DPY19L2: variants seen among roughly 807,000 people sequenced by gnomAD.
DPY19L2 encodes dpy-19 like 2, also known as probable C-mannosyltransferase DPY19L2.
In DPY19L2, 34 loss-of-function variants were observed where a neutral mutation model predicts 97.9. That is an observed-to-expected ratio of 0.35 (90% CI 0.26 to 0.46). The LOEUF is 0.46. Ranked by LOEUF, DPY19L2 falls within the 20% of genes least tolerant of loss-of-function variation. The pLI is 1.00. For missense variants in DPY19L2, 623 were observed against 911.4 expected (o/e 0.68, Z 4.07); for synonymous variants, 230 against 307.9 (o/e 0.75, Z 2.65).
At chr12:63,581,147 C>T (rs1880817183) in intron 18 of DPY19L2, among the ~76,000 whole-genome samples, 1 of 152,100 alleles carries the variant, frequency 6.6e-6, no homozygotes, top group Admixed American at 6.5e-5. Flanking sequence ...GAACTAAATC[C>T]TTGCATCCTT....
chr12:63,576,558 CAA>C (rs536914471), intron 19 of DPY19L2, among the ~76,000 whole-genome samples: 4 of 144,988 alleles, frequency 2.8e-5, no homozygotes, highest in African/African-American at 7.5e-5. Flanking sequence ...AAGTCTCCAC[CAA>C]AAAAAAAACT....
chr12:63,624,255 G>A (rs972371972), intron 7 of DPY19L2, 124 bp from the exon 8 acceptor site: 4 of 692,876 alleles, frequency 5.8e-6, no homozygotes, highest in African/African-American at 3.6e-5. Context: ...CTGAGTGTCT[G>A]GCATAGCTTC....
intron 5 of DPY19L2, among the ~76,000 whole-genome samples, chr12:63,644,836 A>C (rs1893185426): frequency 6.6e-6 from 1 of 152,082 alleles, no homozygotes; most frequent in Admixed American, 6.6e-5. Flanking sequence ...ATTATACTGT[A>C]ATGATTTGTT....
At chr12:63,616,148 G>T (rs1887788885) in intron 11 of DPY19L2, among the ~76,000 whole-genome samples, 1 of 151,848 alleles carries the variant, frequency 6.6e-6, no homozygotes, top group African/African-American at 2.4e-5. Flanking sequence ...GGGGTTGGGG[G>T]TGTCCTGGAA....
chr12:63,662,621 G>A (rs1013176614), intron 3 of DPY19L2, among the ~76,000 whole-genome samples: 4 of 152,018 alleles, frequency 2.6e-5, no homozygotes, highest in African/African-American at 7.3e-5. Context: ...TTGAGCAGAC[G>A]AGATTACTGA....
chr12:63,611,010 A>T (rs547166042), intron 11 of DPY19L2, among the ~76,000 whole-genome samples: 1 of 152,010 alleles, frequency 6.6e-6, no homozygotes, highest in Non-Finnish European at 1.5e-5. Context: ...GGAAATGTAA[A>T]TCAAAACCAC....
chr12:63,639,018 G>A (rs1284541367), intron 6 of DPY19L2, among the ~76,000 whole-genome samples: 1 of 152,042 alleles, frequency 6.6e-6, no homozygotes, highest in Non-Finnish European at 1.5e-5. Flanking sequence ...ATAGATCAAT[G>A]GAACAGAACA....
At chr12:63,652,531 T>A (rs967842325) in intron 4 of DPY19L2, among the ~76,000 whole-genome samples, 1 of 152,104 alleles carries the variant, frequency 6.6e-6, no homozygotes, top group Non-Finnish European at 1.5e-5. Flanking sequence ...CTAAATGCCA[T>A]CAATAGTGGA....
chr12:63,564,711 G>T, intron 21 of DPY19L2, among the ~76,000 whole-genome samples: 1 of 151,978 alleles, frequency 6.6e-6, no homozygotes, highest in Admixed American at 6.6e-5. Context: ...GTTCTAGGGT[G>T]GTATGTACTA....
chr12:63,645,231 T>C (rs1467751320), intron 5 of DPY19L2, among the ~76,000 whole-genome samples: 1 of 152,168 alleles, frequency 6.6e-6, no homozygotes, highest in Non-Finnish European at 1.5e-5. Context: ...CAAAGGTTAT[T>C]TCACTTTAAC....
At chr12:63,584,225 TA>T (rs1331868889) in intron 16 of DPY19L2, 1 of 155,784 alleles carries the variant, frequency 6.4e-6, no homozygotes, top group Non-Finnish European at 1.4e-5. Context: ...CAATTACAAA[TA>T]ACATGGACAC....
At chr12:63,610,880 A>ACT (rs76456631) in intron 11 of DPY19L2, among the ~76,000 whole-genome samples, 2 of 111,508 alleles carry the variant, frequency 1.8e-5, no homozygotes, top group East Asian at 5.6e-4. Flanking sequence ...AAAAAACCAC[A>ACT]CACACACACA....
Position 63,568,587 on chromosome 12 carries a change from A to G in DPY19L2, c.2126+637T>C, listed in dbSNP as rs576855014. Among the ~76,000 whole-genome samples, 17 of 152,146 alleles carry G rather than the reference A, an allele frequency of 1.1e-4. 1 individual carries two copies. In the East Asian group the frequency reaches 1.9e-3, roughly 17 times the overall value. On this transcript the variant is annotated intron_variant, in intron 21 of 21. Transcript: ENST00000324472. Reference sequence around the variant, plus strand: ...ATCTCTGAAACTTTTTGCACATTGTAAATGATATACTGAAGTGACTGTAGA... The same window carrying G: ...ATCTCTGAAACTTTTTGCACATTGTGAATGATATACTGAAGTGACTGTAGA...
chr12:63,588,848 G>C (rs1325931039), intron 16 of DPY19L2, among the ~76,000 whole-genome samples: 1 of 150,802 alleles, frequency 6.6e-6, no homozygotes, highest in East Asian at 2.0e-4. Flanking sequence ...CCGCCTCCCG[G>C]GTTCACGCCA....
At chr12:63,567,169 TC>T (rs1283873288) in intron 21 of DPY19L2, among the ~76,000 whole-genome samples, 1 of 151,946 alleles carries the variant, frequency 6.6e-6, no homozygotes, top group Non-Finnish European at 1.5e-5. Flanking sequence ...TCCCTACCCT[TC>T]CCACTCAGCC....
chr12:63,652,117 AG>A (rs1249889911), intron 4 of DPY19L2, among the ~76,000 whole-genome samples: 1 of 151,952 alleles, frequency 6.6e-6, no homozygotes, highest in Non-Finnish European at 1.5e-5. Flanking sequence ...AAAAAAAAGT[AG>A]GTGAAGGACA....
At chr12:63,633,121 A>G (rs1396472799) in intron 6 of DPY19L2, among the ~76,000 whole-genome samples, 1 of 152,154 alleles carries the variant, frequency 6.6e-6, no homozygotes, top group African/African-American at 2.4e-5. Context: ...CCTAGAAGAA[A>G]ACCTAGGCAT....
At chr12:63,642,713 T>C (rs1892871469) in intron 6 of DPY19L2, among the ~76,000 whole-genome samples, 1 of 152,032 alleles carries the variant, frequency 6.6e-6, no homozygotes, top group South Asian at 2.1e-4. Context: ...AGCTTCATAA[T>C]ACAGCAACAA....
intron 11 of DPY19L2, among the ~76,000 whole-genome samples, chr12:63,610,851 A>C (rs1886843419): frequency 1.2e-5 from 1 of 82,736 alleles, no homozygotes; most frequent in African/African-American, 5.1e-5. Context: ...CAAAAAAAAA[A>C]AAAAAAAAAA....
Sources: gnomAD v4.1 joint callset for allele counts (sites outside exome capture counted in the v4.1 genomes callset) on GRCh38, gnomAD v4.1.1 for gene constraint, MANE v1.5 for transcripts, NCBI Gene and HGNC (gene_info 2026-07-23, HGNC 2026-07-21) for gene names.